The following UGT1A8 variants were observed in gnomAD, a reference collection of about 807,000 sequenced individuals.
UGT1A8 encodes UDP-glucuronosyltransferase 1A8.
UGT1A8 carries 39 observed loss-of-function variants against 45.3 expected under a neutral mutation model. That is an observed-to-expected ratio of 0.86 (90% CI 0.67 to 1.12). UGT1A8 has a LOEUF of 1.12. Ranked by LOEUF, UGT1A8 falls within the 50% of genes most tolerant of loss-of-function variation. The pLI is 0.00. For synonymous variants in UGT1A8, 275 were observed against 249.2 expected (o/e 1.10, Z -0.97); for missense variants, 719 against 664.9 (o/e 1.08, Z -0.90).
chr2:233,636,424 C>T (rs898575690), intron 1 of UGT1A8: 112 of 1,491,116 alleles, frequency 7.5e-5, no homozygotes, highest in Middle Eastern at 3.9e-4. Flanking sequence ...GATAAATACA[C>T]GCCCTCTATT....
chr2:233,738,076 A>C (rs17862873), intron 1 of UGT1A8, among the ~76,000 whole-genome samples: 29,204 of 152,030 alleles, frequency 0.19, 3,596 homozygotes, highest in South Asian at 0.3. Context: ...CCCACCTCCT[A>C]ATCTCATCAT....
In UGT1A8 at chr2:233,725,264, G is replaced by GGCAGAGGCAGAGGCAGAGGCA. The variant is rs1216362118; in HGVS notation, c.856-41769_856-41768insCAGAGGCAGAGGCAGAGGCAG. On this transcript the variant is annotated intron_variant, in intron 1 of 4. Coordinates refer to ENST00000373450, the MANE Select transcript of UGT1A8 (RefSeq NM_019076.5). Reference sequence around the variant, plus strand: ...CAGAGGCAGAGGAGGCAGAGGCAGAGGAGGCAGAGGCAGAGGCAGAGGCAG... The same window carrying GGCAGAGGCAGAGGCAGAGGCA: ...CAGAGGCAGAGGAGGCAGAGGCAGAGGCAGAGGCAGAGGCAGAGGCAGAGGCAGAGGCAGAGGCAGAGGCAG... Among the ~76,000 whole-genome samples, 2 of 58,548 alleles carry GGCAGAGGCAGAGGCAGAGGCA rather than the reference G, an allele frequency of 3.4e-5. 1 individual carries two copies. Among genetic ancestry groups the GGCAGAGGCAGAGGCAGAGGCA allele is most frequent in the African/African-American group, 2.6e-4 (2 of 7,634 alleles). 38.4% of individuals were successfully genotyped at this position (58,548 alleles called of 152,430 possible). A position where few individuals can be genotyped will look rare whatever the true frequency, so the allele number is the denominator to read the frequency against.
chr2:233,719,246 T>C (rs1449809732), intron 1 of UGT1A8: 8 of 1,614,096 alleles, frequency 5.0e-6, no homozygotes, highest in Non-Finnish European at 6.8e-6. Flanking sequence ...GGCACCTGAA[T>C]GCTACTTCCT....
At chr2:233,678,973 C>A (rs1481892328) in intron 1 of UGT1A8, among the ~76,000 whole-genome samples, 2 of 152,194 alleles carry the variant, frequency 1.3e-5, no homozygotes, top group Non-Finnish European at 2.9e-5. Context: ...GGCTTGGTGG[C>A]TTTCAAAGCT....
At chr2:233,695,023 A>G (rs934384118) in intron 1 of UGT1A8, among the ~76,000 whole-genome samples, 2 of 152,150 alleles carry the variant, frequency 1.3e-5, no homozygotes, top group Non-Finnish European at 2.9e-5. Flanking sequence ...TTTGAACTGC[A>G]GTATACATTC....
chr2:233,692,800 C>T (rs2075115149), intron 1 of UGT1A8: 2 of 1,393,480 alleles, frequency 1.4e-6, no homozygotes, highest in African/African-American at 2.9e-5. Flanking sequence ...GCTGACACGG[C>T]CATAGTTGGT....
chr2:233,673,035 C>G (rs886407428), intron 1 of UGT1A8, among the ~76,000 whole-genome samples: 7 of 152,044 alleles, frequency 4.6e-5, no homozygotes, highest in African/African-American at 1.7e-4. Context: ...TTTTAAGTAC[C>G]ATGTTTAGAA....
At position 233,627,677 on chromosome 2, in the gene UGT1A8, CTTCT is replaced by C. The variant is rs1161705200; in HGVS notation, c.855+9130_855+9133del. On this transcript the variant is annotated intron_variant, in intron 1 of 4. Transcript: ENST00000373450. The stretch of plus-strand genomic sequence containing the variant: ...CCTTCCTTCCTTCCTTCCTTCCTTC[CTTCT>C]TTCTTTCTTTCTTTTCCACTGGTCC... Among the ~76,000 whole-genome samples, 91 of 120,936 alleles carry C rather than the reference CTTCT, an allele frequency of 7.5e-4. 1 individual carries two copies. Among genetic ancestry groups the C allele is most frequent in the African/African-American group, 2.9e-3 (86 of 30,128 alleles). 79.3% of individuals were successfully genotyped at this position (120,936 alleles called of 152,430 possible).
intron 1 of UGT1A8, among the ~76,000 whole-genome samples, chr2:233,626,701 T>C (rs1030063696): frequency 4.6e-5 from 7 of 152,140 alleles, no homozygotes; most frequent in South Asian, 2.1e-4. Flanking sequence ...GTATTGACAA[T>C]CTTTTCCATA....
chr2:233,733,807 A>T (rs898855226), intron 1 of UGT1A8, among the ~76,000 whole-genome samples: 3 of 152,292 alleles, frequency 2.0e-5, no homozygotes, highest in Admixed American at 6.5e-5. Context: ...TATCAGGATG[A>T]TGCTGGCCTC....
At chr2:233,738,047 C>T (rs1690670574) in intron 1 of UGT1A8, among the ~76,000 whole-genome samples, 1 of 152,068 alleles carries the variant, frequency 6.6e-6, no homozygotes, top group Non-Finnish European at 1.5e-5. Flanking sequence ...GTGTTGAGGA[C>T]AGGACATGGT....
chr2:233,724,161 C>A (rs1575550445), intron 1 of UGT1A8, among the ~76,000 whole-genome samples: 1 of 122,434 alleles, frequency 8.2e-6, no homozygotes, highest in African/African-American at 3.7e-5. Context: ...GGTGGGGGGG[C>A]TGACCCCCCC....
At chr2:233,740,246 T>G (rs1354461528) in intron 1 of UGT1A8, among the ~76,000 whole-genome samples, 1 of 151,876 alleles carries the variant, frequency 6.6e-6, no homozygotes, top group African/African-American at 2.4e-5. Flanking sequence ...GAGAATAGAC[T>G]AATACAAGAT....
At chr2:233,635,930 G>T in intron 1 of UGT1A8, among the ~76,000 whole-genome samples, 1 of 150,866 alleles carries the variant, frequency 6.6e-6, no homozygotes, top group Admixed American at 6.7e-5. Context: ...TGGAGGCAGG[G>T]TTGTCAATCT....
intron 1 of UGT1A8, among the ~76,000 whole-genome samples, chr2:233,677,119 T>A (rs2074381580): frequency 6.6e-6 from 1 of 152,200 alleles, no homozygotes; most frequent in African/African-American, 2.4e-5. Context: ...GTATTTTATT[T>A]ATAGATCAAC....
intron 1 of UGT1A8, among the ~76,000 whole-genome samples, chr2:233,667,983 G>A (rs910499220): frequency 3.3e-5 from 5 of 152,108 alleles, no homozygotes; most frequent in Non-Finnish European, 5.9e-5. Flanking sequence ...AAGCAAGGGT[G>A]CAAAAAATTG....
At chr2:233,741,946 A>T (rs1293176575) in intron 1 of UGT1A8, 1 of 151,876 alleles carries the variant, frequency 6.6e-6, no homozygotes, top group Non-Finnish European at 1.5e-5. Flanking sequence ...TGCCAACAGA[A>T]AGGTACTTTC....
chr2:233,706,580 A>T (rs903868789), intron 1 of UGT1A8, among the ~76,000 whole-genome samples: 5 of 152,102 alleles, frequency 3.3e-5, no homozygotes, highest in African/African-American at 1.2e-4. Context: ...AAGAGTGGAG[A>T]TGGGAGGTGG....
chr2:233,717,281 T>G (rs1169770811), intron 1 of UGT1A8, among the ~76,000 whole-genome samples: 3 of 152,158 alleles, frequency 2.0e-5, no homozygotes, highest in Non-Finnish European at 4.4e-5. Flanking sequence ...GAAGCTGAGA[T>G]GTTGCACCCA....
Sources: gnomAD v4.1 joint callset for allele counts (sites outside exome capture counted in the v4.1 genomes callset) on GRCh38, gnomAD v4.1.1 for gene constraint, MANE v1.5 for transcripts, NCBI Gene and HGNC (gene_info 2026-07-23, HGNC 2026-07-21) for gene names.